VPS13B: variants seen among roughly 807,000 people sequenced by gnomAD.
VPS13B encodes vacuolar protein sorting 13 homolog B.
Under a neutral mutation model 426.4 loss-of-function variants are expected in VPS13B, and 285 were observed. That is an observed-to-expected ratio of 0.67 (90% confidence interval 0.61 to 0.74). The LOEUF (loss-of-function observed/expected upper bound fraction) is 0.74, where lower values mean the gene tolerates loss of function less well. VPS13B is among the 30% of genes least tolerant of loss of function. VPS13B has a pLI of 0.00. For synonymous variants in VPS13B, 1,676 were observed against 1,676.4 expected (o/e 1.00, Z 0.01); for missense variants, 4,537 against 4,782.6 (o/e 0.95, Z 1.51).
chr8:99,771,274 C>A (rs139903831), intron 40 of VPS13B, among the ~76,000 whole-genome samples: 159 of 152,306 alleles, frequency 1.0e-3, no homozygotes, highest in African/African-American at 3.7e-3. Flanking sequence ...CATCTTCTCA[C>A]AATATTAAAG....
intron 33 of VPS13B, among the ~76,000 whole-genome samples, chr8:99,589,540 T>C (rs1012980163): frequency 6.6e-6 from 1 of 151,682 alleles, no homozygotes; most frequent in Non-Finnish European, 1.5e-5. Context: ...TGAACTCATC[T>C]TTTTTTATGG....
intron 61 of VPS13B, among the ~76,000 whole-genome samples, chr8:99,873,460 G>A (rs1041182557): frequency 1.3e-5 from 2 of 152,182 alleles, no homozygotes; most frequent in Admixed American, 6.5e-5. Context: ...GGCTGAAAGA[G>A]GGTTGGGATT....
intron 43 of VPS13B, chr8:99,797,197 A>G (rs1258819315): frequency 6.6e-6 from 1 of 152,138 alleles, no homozygotes; most frequent in Non-Finnish European, 1.5e-5. Context: ...TTAATCCTGT[A>G]TCTTGCTTAT....
intron 17 of VPS13B, among the ~76,000 whole-genome samples, chr8:99,245,014 A>G (rs1817138090): frequency 6.6e-6 from 1 of 152,212 alleles, no homozygotes; most frequent in Non-Finnish European, 1.5e-5. Flanking sequence ...ACTGTAAGTG[A>G]ATGTTACTGA....
chr8:99,393,368 TAGTG>T (rs565559079), intron 21 of VPS13B, among the ~76,000 whole-genome samples: 88 of 152,202 alleles, frequency 5.8e-4, no homozygotes, highest in African/African-American at 2.1e-3. Flanking sequence ...TAATAATTGT[TAGTG>T]AGGGAAAATA....
At chr8:99,095,183 GCCT>G (rs1187132296) in intron 3 of VPS13B, among the ~76,000 whole-genome samples, 2 of 152,296 alleles carry the variant, frequency 1.3e-5, no homozygotes, top group East Asian at 3.9e-4. Flanking sequence ...GTTAGTGGCA[GCCT>G]CCTCCTAATT....
chr8:99,414,041 A>ACC (rs1815846008), intron 21 of VPS13B, among the ~76,000 whole-genome samples: 1 of 152,172 alleles, frequency 6.6e-6, no homozygotes, highest in African/African-American at 2.4e-5. Flanking sequence ...AAAGTGTCCC[A>ACC]CTATTATTGT....
chr8:99,486,417 G>A (rs1383943334), intron 25 of VPS13B, among the ~76,000 whole-genome samples: 4 of 151,864 alleles, frequency 2.6e-5, no homozygotes, highest in Admixed American at 2.0e-4. Flanking sequence ...CTAGAGATGG[G>A]GTTTCACCAT....
At chr8:99,697,002 A>G (rs1193450151) in intron 35 of VPS13B, 4 of 600,046 alleles carry the variant, frequency 6.7e-6, no homozygotes, top group African/African-American at 5.5e-5. Context: ...GAAGTGAGGT[A>G]TGTGGGCCCT....
intron 35 of VPS13B, among the ~76,000 whole-genome samples, chr8:99,672,204 A>C (rs1274499324): frequency 6.6e-6 from 1 of 152,108 alleles, no homozygotes; most frequent in Non-Finnish European, 1.5e-5. Context: ...CTGTAGATCA[A>C]TAGCATGGGC....
intron 19 of VPS13B, among the ~76,000 whole-genome samples, chr8:99,289,631 G>A (rs925811483): frequency 2.0e-5 from 3 of 152,090 alleles, no homozygotes; most frequent in Non-Finnish European, 4.4e-5. Flanking sequence ...TTGACGAAAA[G>A]CAAGCAGAGC....
intron 39 of VPS13B, among the ~76,000 whole-genome samples, chr8:99,751,147 TA>T (rs1810374284): frequency 6.6e-6 from 1 of 152,170 alleles, no homozygotes; most frequent in Non-Finnish European, 1.5e-5. Flanking sequence ...GCCCCTTACT[TA>T]GGAGCTAATT....
chr8:99,182,436 G>C (rs1326524298), intron 16 of VPS13B, among the ~76,000 whole-genome samples: 1 of 151,892 alleles, frequency 6.6e-6, no homozygotes, highest in Non-Finnish European at 1.5e-5. Flanking sequence ...TATTTGTCAA[G>C]ATTCATGAAA....
At position 99,778,787 on chromosome 8, in the gene VPS13B, G is replaced by A. The variant is rs386834108; in HGVS notation, c.7535G>A (p.Trp2512Ter). The A allele has an allele frequency of 6.2e-7, 1 of 1,613,972 alleles. No homozygotes were observed. Among genetic ancestry groups the A allele is most frequent in the Non-Finnish European group, 8.5e-7 (1 of 1,179,908 alleles). Reference sequence around the variant, plus strand: ...GAACCACACATGTATCTTCGACAGTGGAATAATGGTTCTGTCTGTCAGGAG... The same window carrying A: ...GAACCACACATGTATCTTCGACAGTAGAATAATGGTTCTGTCTGTCAGGAG... The part of the protein sequence containing the change: ...FREPHMYLRQ[W>*]NNGSVCQEIQ... The change falls in exon 42 of 62, where the codon TGG (tryptophan) becomes TAG (stop). Residue 2512 changes from tryptophan to a stop codon, truncating the protein, a stop_gained. Transcript: ENST00000357162. LOFTEE classifies it high-confidence loss of function.
intron 51 of VPS13B, among the ~76,000 whole-genome samples, chr8:99,830,981 G>T (rs116960137): frequency 1.3e-5 from 2 of 151,278 alleles, no homozygotes; most frequent in Non-Finnish European, 2.9e-5. Flanking sequence ...AGTTGGAAAC[G>T]CAGAAACCAT....
intron 3 of VPS13B, among the ~76,000 whole-genome samples, chr8:99,091,139 G>C (rs1313425438): frequency 6.6e-6 from 1 of 152,180 alleles, no homozygotes; most frequent in Admixed American, 6.5e-5. Context: ...GGGGCTATGT[G>C]GGTGAAAAGA....
chr8:99,818,262 C>G (rs144255766), intron 45 of VPS13B, among the ~76,000 whole-genome samples, 189 bp from the exon 46 acceptor site: 20 of 152,210 alleles, frequency 1.3e-4, no homozygotes, highest in Non-Finnish European at 2.9e-4. Flanking sequence ...AGAGTTGGCC[C>G]CGCTGACTCA....
intron 17 of VPS13B, among the ~76,000 whole-genome samples, chr8:99,204,022 T>C (rs949989564): frequency 2.0e-5 from 3 of 152,090 alleles, no homozygotes; most frequent in Admixed American, 6.5e-5. Context: ...AAATTTCATA[T>C]AGAACCAAAA....
intron 28 of VPS13B, among the ~76,000 whole-genome samples, chr8:99,508,715 T>A (rs552303299): frequency 1.3e-5 from 2 of 152,238 alleles, no homozygotes; most frequent in South Asian, 4.1e-4. Context: ...AAATTTATCG[T>A]TAATGTTCTT....
Sources: gnomAD v4.1 joint callset for allele counts (sites outside exome capture counted in the v4.1 genomes callset) on GRCh38, gnomAD v4.1.1 for gene constraint, MANE v1.5 for transcripts, NCBI Gene and HGNC (gene_info 2026-07-23, HGNC 2026-07-21) for gene names.